The following CDH13 variants were observed in gnomAD, a reference collection of about 807,000 sequenced individuals.
CDH13 encodes cadherin-13.
CDH13 carries 24 observed loss-of-function variants against 63.8 expected under a neutral mutation model. That is an observed-to-expected ratio of 0.38 (90% CI 0.27 to 0.53). CDH13 has a LOEUF of 0.53. Among genes scored for constraint, CDH13 ranks in the 20% least tolerant of loss-of-function variants. The pLI is 0.85. For missense variants in CDH13, 1,049 were observed against 903.1 expected (o/e 1.16, Z -2.07); for synonymous variants, 503 against 355.3 (o/e 1.42, Z -4.67).
intron 3 of CDH13, among the ~76,000 whole-genome samples, chr16:83,105,048 G>A (rs927526198): frequency 6.6e-6 from 1 of 152,084 alleles, no homozygotes; most frequent in Non-Finnish European, 1.5e-5. Flanking sequence ...CGCACAGGAT[G>A]TGCAGGTTTG....
chr16:82,999,553 A>T (rs72794143), intron 2 of CDH13, among the ~76,000 whole-genome samples: 24,492 of 152,074 alleles, frequency 0.16, 2,364 homozygotes, highest in African/African-American at 0.26. Flanking sequence ...ATCAGAGGTG[A>T]ATTTTTTCTT....
chr16:83,195,166 A>C (rs1300520672), intron 4 of CDH13, among the ~76,000 whole-genome samples: 1 of 152,192 alleles, frequency 6.6e-6, no homozygotes, highest in Non-Finnish European at 1.5e-5. Context: ...TAATTAAAAC[A>C]GTTGAGAGTC....
At chr16:83,224,936 G>C (rs1360035362) in intron 5 of CDH13, among the ~76,000 whole-genome samples, 2 of 152,192 alleles carry the variant, frequency 1.3e-5, no homozygotes, top group East Asian at 3.9e-4. Context: ...GCACTTGTGA[G>C]GGAGCAGCTA....
intron 1 of CDH13, among the ~76,000 whole-genome samples, chr16:82,638,248 G>A (rs1908928821): frequency 6.6e-6 from 1 of 151,836 alleles, no homozygotes; most frequent in African/African-American, 2.4e-5. Flanking sequence ...CAGAATTAGA[G>A]CCTGGGGCTG....
rs147616843 is a variant in CDH13 at position 83,321,687 on chromosome 16, C to T, written c.637-23175C>T. Among the ~76,000 whole-genome samples, 161 of 152,154 alleles carry T rather than the reference C, an allele frequency of 1.1e-3. 1 individual carries two copies. The highest frequency in any genetic ancestry group is 3.6e-3 in the African/African-American group (151 of 41,502). ...GGGACTACAGGCGCCTGCCACCATG[C>T]CCAGCTAATTTTTTGTATTTTTAGT... On this transcript the variant is annotated intron_variant, in intron 5 of 13. Coordinates refer to ENST00000567109, the MANE Select transcript of CDH13 (RefSeq NM_001257.5).
chr16:83,176,827 G>A (rs2038144958), intron 4 of CDH13, among the ~76,000 whole-genome samples: 3 of 152,124 alleles, frequency 2.0e-5, no homozygotes, highest in Admixed American at 2.0e-4. Flanking sequence ...GTGCCGGATT[G>A]TAGCTCTGTT....
chr16:83,787,764 C>A (rs13336291), intron 13 of CDH13, among the ~76,000 whole-genome samples: 23,641 of 152,090 alleles, frequency 0.16, 2,507 homozygotes, highest in African/African-American at 0.3. Flanking sequence ...CCAACATGGC[C>A]AAACCCCGTC....
intron 4 of CDH13, among the ~76,000 whole-genome samples, chr16:83,184,742 G>A (rs777695647): frequency 8.5e-5 from 13 of 152,126 alleles, no homozygotes; most frequent in Admixed American, 5.2e-4. Context: ...GCAACAGAGC[G>A]AGACTCCATC....
At chr16:83,725,530 G>A (rs1910285887) in intron 10 of CDH13, 1 of 152,414 alleles carries the variant, frequency 6.6e-6, no homozygotes. Context: ...GATGTGTCCT[G>A]GTCACGGTCT....
chr16:83,352,513 G>T (rs2090973685), intron 6 of CDH13, among the ~76,000 whole-genome samples: 1 of 152,146 alleles, frequency 6.6e-6, no homozygotes, highest in Non-Finnish European at 1.5e-5. Flanking sequence ...AAAAACACCT[G>T]CACTCATGGT....
chr16:83,063,701 CAA>C (rs1555574063), intron 3 of CDH13, among the ~76,000 whole-genome samples: 1 of 152,136 alleles, frequency 6.6e-6, no homozygotes, highest in Non-Finnish European at 1.5e-5. Flanking sequence ...TAAAACAACA[CAA>C]ATTTATTCTG....
At chr16:82,968,206 C>T (rs1483444245) in intron 2 of CDH13, among the ~76,000 whole-genome samples, 1 of 152,160 alleles carries the variant, frequency 6.6e-6, no homozygotes, top group Admixed American at 6.6e-5. Flanking sequence ...CGCCAATTGT[C>T]CACCGTTTGT....
At chr16:82,732,191 C>T (rs1047742519) in intron 1 of CDH13, among the ~76,000 whole-genome samples, 2 of 152,074 alleles carry the variant, frequency 1.3e-5, no homozygotes, top group African/African-American at 2.4e-5. Flanking sequence ...TAGATAGGTC[C>T]ATCTTCTTTA....
chr16:82,671,173 A>G (rs542711102), intron 1 of CDH13, among the ~76,000 whole-genome samples: 1 of 152,358 alleles, frequency 6.6e-6, no homozygotes, highest in South Asian at 2.1e-4. Context: ...TTTAAGTACT[A>G]AAATAAATTG....
chr16:83,542,514 G>T (rs12165004), intron 7 of CDH13, among the ~76,000 whole-genome samples: 1 of 152,048 alleles, frequency 6.6e-6, no homozygotes, highest in African/African-American at 2.4e-5. Context: ...CAACGGCTGT[G>T]GTAACAAAGC....
intron 1 of CDH13, among the ~76,000 whole-genome samples, chr16:82,713,794 T>G (rs1017011299): frequency 6.7e-6 from 1 of 149,320 alleles, no homozygotes; most frequent in Non-Finnish European, 1.5e-5. Context: ...TCTTTAGGGC[T>G]TCTGTATTTG....
At chr16:83,555,656 G>C (rs1338126198) in intron 7 of CDH13, among the ~76,000 whole-genome samples, 1 of 152,210 alleles carries the variant, frequency 6.6e-6, no homozygotes, top group African/African-American at 2.4e-5. Flanking sequence ...AGGCTAAGTG[G>C]AACCATTCTG....
intron 3 of CDH13, among the ~76,000 whole-genome samples, chr16:83,079,778 A>G (rs558067169): frequency 6.6e-5 from 10 of 152,368 alleles, no homozygotes; most frequent in East Asian, 3.9e-4. Context: ...TTTTGAGAAC[A>G]TGATTTTAAT....
chr16:83,245,512 G>T (rs190342749), intron 5 of CDH13, among the ~76,000 whole-genome samples: 1 of 152,306 alleles, frequency 6.6e-6, no homozygotes, highest in East Asian at 1.9e-4. Context: ...TAAAACCCGA[G>T]AACTCCATCT....
Sources: allele counts gnomAD v4.1 joint callset (sites outside exome capture counted in the v4.1 genomes callset), GRCh38; gene constraint gnomAD v4.1.1; transcripts MANE v1.5; gene names NCBI Gene and HGNC (gene_info 2026-07-23, HGNC 2026-07-21).